The following KCNMB2 variants were observed in gnomAD, a reference collection of about 807,000 sequenced individuals.
The protein encoded by KCNMB2 is potassium calcium-activated channel subfamily M regulatory beta subunit 2.
KCNMB2 carries 9 observed loss-of-function variants against 24.5 expected under a neutral mutation model. The observed-to-expected ratio is 0.37, with a 90% CI of 0.22 to 0.64. KCNMB2 has a LOEUF of 0.64. KCNMB2 is among the 30% of genes least tolerant of loss of function. The pLI, the probability that KCNMB2 is intolerant of heterozygous loss-of-function variation, is 0.63. For synonymous variants in KCNMB2, 109 were observed against 104.4 expected (o/e 1.04, Z -0.27); for missense variants, 226 against 284.3 (o/e 0.79, Z 1.47).
intron 1 of KCNMB2, among the ~76,000 whole-genome samples, chr3:178,564,310 T>C (rs1441464129): frequency 6.6e-6 from 1 of 151,236 alleles, no homozygotes; most frequent in African/African-American, 2.4e-5. Context: ...CTGATTATGG[T>C]GGGTACCATA....
chr3:178,777,026 A>G (rs761197085), intron 1 of KCNMB2, among the ~76,000 whole-genome samples: 1 of 152,210 alleles, frequency 6.6e-6, no homozygotes, highest in Non-Finnish European at 1.5e-5. Flanking sequence ...TAATGCCCAT[A>G]ATACTTTAAG....
chr3:178,666,748 C>T (rs182730905), intron 1 of KCNMB2, among the ~76,000 whole-genome samples: 92 of 152,278 alleles, frequency 6.0e-4, no homozygotes, highest in African/African-American at 2.1e-3. Context: ...TCCAGCGTTT[C>T]CTGTGAGCAG....
chr3:178,819,265 T>C (rs1221623935), intron 2 of KCNMB2, among the ~76,000 whole-genome samples: 1 of 152,208 alleles, frequency 6.6e-6, no homozygotes, highest in Non-Finnish European at 1.5e-5. Flanking sequence ...TTGATGAATT[T>C]ATCGAATTTA....
chr3:178,649,286 A>G (rs1489579523), intron 1 of KCNMB2, among the ~76,000 whole-genome samples: 2 of 152,186 alleles, frequency 1.3e-5, no homozygotes, highest in Non-Finnish European at 2.9e-5. Context: ...CTCCACATAA[A>G]AACTAGAGAT....
intron 1 of KCNMB2, among the ~76,000 whole-genome samples, chr3:178,751,573 CAAAAAAAAAAAAA>C (rs61148761): frequency 2.7e-4 from 13 of 47,692 alleles, no homozygotes; most frequent in South Asian, 1.0e-3. Flanking sequence ...GACTCCGTCT[CAAAAAAAAAAAAA>C]AAAAAAAAAA....
chr3:178,667,910 G>C (rs867176707), intron 1 of KCNMB2, among the ~76,000 whole-genome samples: 1 of 152,092 alleles, frequency 6.6e-6, no homozygotes. Context: ...GTCCACAGTG[G>C]GTGGTTGGCT....
intron 1 of KCNMB2, among the ~76,000 whole-genome samples, chr3:178,780,815 G>A (rs984453110): frequency 3.3e-5 from 5 of 152,198 alleles, no homozygotes; most frequent in Admixed American, 1.3e-4. Flanking sequence ...TGTAATACAT[G>A]TAAAACATAA....
At chr3:178,778,491 C>T (rs964269036) in intron 1 of KCNMB2, among the ~76,000 whole-genome samples, 3 of 128,308 alleles carry the variant, frequency 2.3e-5, no homozygotes, top group Admixed American at 7.5e-5. Flanking sequence ...CACACACACA[C>T]ACACACACAC....
At chr3:178,551,709 T>C (rs1715958057) in intron 1 of KCNMB2, among the ~76,000 whole-genome samples, 1 of 152,256 alleles carries the variant, frequency 6.6e-6, no homozygotes, top group Admixed American at 6.5e-5. Flanking sequence ...AGGATTGTAC[T>C]AGGCATTTTA....
intron 1 of KCNMB2, among the ~76,000 whole-genome samples, chr3:178,801,109 A>G (rs933915090): frequency 7.2e-5 from 11 of 152,140 alleles, no homozygotes; most frequent in Non-Finnish European, 1.3e-4. Context: ...AAGATCTAGT[A>G]TTTAATAGCA....
intron 1 of KCNMB2, among the ~76,000 whole-genome samples, chr3:178,733,475 T>A (rs1413279153): frequency 6.6e-6 from 1 of 151,860 alleles, no homozygotes; most frequent in East Asian, 2.0e-4. Context: ...AAATTTATTT[T>A]ATTTATTTAT....
At chr3:178,574,506 T>A (rs1296137988) in intron 1 of KCNMB2, among the ~76,000 whole-genome samples, 1 of 152,246 alleles carries the variant, frequency 6.6e-6, no homozygotes, top group Non-Finnish European at 1.5e-5. Context: ...CCATGTAATG[T>A]TGATTCTCTT....
At chr3:178,838,795 A>G (rs1464656802) in intron 4 of KCNMB2, among the ~76,000 whole-genome samples, 1 of 152,192 alleles carries the variant, frequency 6.6e-6, no homozygotes, top group Non-Finnish European at 1.5e-5. Context: ...GCATATAGTC[A>G]TGGAGGTTGT....
At chr3:178,693,144 T>A (rs913003552) in intron 1 of KCNMB2, among the ~76,000 whole-genome samples, 17 of 152,224 alleles carry the variant, frequency 1.1e-4, no homozygotes, top group African/African-American at 4.1e-4. Context: ...TTAAGAAGCA[T>A]TTAGGCTGAG....
At chr3:178,784,988 A>G (rs1460696540) in intron 1 of KCNMB2, among the ~76,000 whole-genome samples, 1 of 151,912 alleles carries the variant, frequency 6.6e-6, no homozygotes, top group Non-Finnish European at 1.5e-5. Flanking sequence ...GATTTCTCTG[A>G]ATTATGTCTC....
intron 1 of KCNMB2, among the ~76,000 whole-genome samples, chr3:178,588,594 G>A (rs374277996): frequency 4.0e-5 from 6 of 151,800 alleles, no homozygotes; most frequent in African/African-American, 1.2e-4. Context: ...ATGTGTGTGG[G>A]TATATATATA....
intron 1 of KCNMB2, among the ~76,000 whole-genome samples, chr3:178,713,899 T>A (rs1348434144): frequency 6.6e-6 from 1 of 152,192 alleles, no homozygotes; most frequent in Non-Finnish European, 1.5e-5. Flanking sequence ...AATGCATGAA[T>A]CCCTCATCAT....
intron 1 of KCNMB2, among the ~76,000 whole-genome samples, chr3:178,626,136 T>C (rs1355619653): frequency 6.6e-6 from 1 of 152,192 alleles, no homozygotes; most frequent in Non-Finnish European, 1.5e-5. Context: ...CTCCTGTAAA[T>C]TTCTATCGTT....
chr3:178,793,151 C>A (rs1479948930), intron 1 of KCNMB2, among the ~76,000 whole-genome samples: 1 of 152,214 alleles, frequency 6.6e-6, no homozygotes, highest in African/African-American at 2.4e-5. Flanking sequence ...ATTTAATAGC[C>A]AGCCTTCATC....
Sources: allele counts gnomAD v4.1 joint callset (sites outside exome capture counted in the v4.1 genomes callset), GRCh38; gene constraint gnomAD v4.1.1; transcripts MANE v1.5; gene names NCBI Gene and HGNC (gene_info 2026-07-23, HGNC 2026-07-21).